The following SLC14A2 variants were observed in gnomAD, a reference collection of about 807,000 sequenced individuals.
SLC14A2 encodes the protein urea transporter 2.
SLC14A2 carries 91 observed loss-of-function variants against 104.6 expected under a neutral mutation model. The ratio of observed to expected loss-of-function variants is 0.87; its 90% CI spans 0.73 to 1.04. SLC14A2 has a LOEUF of 1.04. Ranked by LOEUF, SLC14A2 falls within the 50% of genes least tolerant of loss-of-function variation. SLC14A2 has a pLI of 0.00. For synonymous variants in SLC14A2, 476 were observed against 466.4 expected, an observed-to-expected ratio of 1.02 and a Z score of -0.27; for missense variants, 1,189 against 1,156.0, an observed-to-expected ratio of 1.03 and a Z score of -0.41.
intron 2 of SLC14A2, among the ~76,000 whole-genome samples, chr18:45,549,593 A>T (rs11877159): frequency 0.13 from 19,076 of 152,290 alleles, 1,346 homozygotes; most frequent in African/African-American, 0.17. Context: ...TTATACCTAA[A>T]GAGCAAATGC....
intron 1 of SLC14A2, among the ~76,000 whole-genome samples, chr18:45,385,834 A>G (rs915711164): frequency 1.3e-5 from 2 of 152,184 alleles, no homozygotes; most frequent in African/African-American, 2.4e-5. Flanking sequence ...CAGGGGTTAT[A>G]TAGAAAAGTA....
chr18:45,221,788 A>G (rs1038755167), intron 1 of SLC14A2, among the ~76,000 whole-genome samples: 1 of 152,020 alleles, frequency 6.6e-6, no homozygotes, highest in African/African-American at 2.4e-5. Flanking sequence ...AATGTCTTAG[A>G]GTGTGTAGAG....
At chr18:45,267,494 G>A (rs147979560) in intron 1 of SLC14A2, among the ~76,000 whole-genome samples, 7 of 152,278 alleles carry the variant, frequency 4.6e-5, no homozygotes, top group Non-Finnish European at 8.8e-5. Context: ...TTTTAGGAGT[G>A]TGAGCTAGCC....
chr18:45,581,129 G>T (rs1239826089), intron 2 of SLC14A2, among the ~76,000 whole-genome samples: 1 of 152,228 alleles, frequency 6.6e-6, no homozygotes, highest in East Asian at 1.9e-4. Context: ...GGAGGGTGGA[G>T]TGAGGGTATA....
At chr18:45,607,404 C>G (rs1272944187) in intron 2 of SLC14A2, among the ~76,000 whole-genome samples, 1 of 152,178 alleles carries the variant, frequency 6.6e-6, no homozygotes, top group East Asian at 1.9e-4. Flanking sequence ...CATGATTCTA[C>G]ATGGTTGCTA....
intron 2 of SLC14A2, among the ~76,000 whole-genome samples, chr18:45,542,035 GTTTTTTTTTTTTTTTTTTTTTTT>G (rs60977948): frequency 9.2e-5 from 5 of 54,236 alleles, no homozygotes; most frequent in East Asian, 8.3e-4. Context: ...AAGAGAGAGG[GTTTTTTTTTTTTTTTTTTTTTTT>G]TTTTTTTTTT....
chr18:45,500,517 C>T lies in SLC14A2; in HGVS notation c.-35+17195C>T, dbSNP rs938985030. On this transcript the variant is annotated intron_variant, in intron 2 of 20. Transcript: ENST00000586448. ...GCGTGAACCCGGGAGGCGGAGCTTG[C>T]AGTGAGCCGAGATCGCGCCACTGCA... is the stretch of plus-strand genomic sequence containing the variant. Among the ~76,000 whole-genome samples the T allele has an allele frequency of 7.7e-5, 11 of 142,528 alleles. No individual in the cohort carries two copies. In the East Asian group the frequency reaches 2.1e-3, roughly 27 times the overall value. The allele number at this position is 142,528 out of a possible 152,430, so 93.5% of individuals were successfully genotyped here.
At chr18:45,411,081 T>C (rs1195537687) in intron 1 of SLC14A2, among the ~76,000 whole-genome samples, 1 of 152,218 alleles carries the variant, frequency 6.6e-6, no homozygotes, top group Non-Finnish European at 1.5e-5. Flanking sequence ...GATAAGAAGC[T>C]TGCAGGAACC....
intron 2 of SLC14A2, among the ~76,000 whole-genome samples, chr18:45,501,232 G>A (rs1018177934): frequency 2.0e-5 from 3 of 152,094 alleles, no homozygotes; most frequent in African/African-American, 7.2e-5. Flanking sequence ...AAACTGGCTC[G>A]CCAAAGGTGA....
intron 2 of SLC14A2, among the ~76,000 whole-genome samples, chr18:45,497,208 A>G (rs1012934342): frequency 6.6e-6 from 1 of 152,104 alleles, no homozygotes; most frequent in South Asian, 2.1e-4. Context: ...TTGGTTCCCA[A>G]TTTGGCTCTT....
chr18:45,235,615 C>T (rs577493124), intron 1 of SLC14A2, among the ~76,000 whole-genome samples: 4 of 151,888 alleles, frequency 2.6e-5, no homozygotes, highest in Admixed American at 6.6e-5. Flanking sequence ...CTATTCTACT[C>T]TCTACTTTCT....
intron 7 of SLC14A2, among the ~76,000 whole-genome samples, chr18:45,640,748 A>G (rs182673176): frequency 6.6e-6 from 1 of 152,348 alleles, no homozygotes; most frequent in African/African-American, 2.4e-5. Context: ...CTTTCCCCAG[A>G]TGTACCCACT....
intron 1 of SLC14A2, among the ~76,000 whole-genome samples, chr18:45,249,227 TG>T (rs1205304537): frequency 6.6e-6 from 1 of 152,052 alleles, no homozygotes; most frequent in African/African-American, 2.4e-5. Context: ...TTTTTGGAGA[TG>T]TTTCCTTCAT....
In SLC14A2 at chr18:45,608,604, C is replaced by A. The variant is rs532684189; in HGVS notation, c.-34-16027C>A. Among the ~76,000 whole-genome samples, 3 of 152,188 alleles carry A rather than the reference C, an allele frequency of 2.0e-5. No homozygotes were observed. The South Asian group carries it at 6.2e-4, about 32-fold the overall frequency. ...AGCTCAATTTACTTTCCAGTGATGT[C>A]CAGACAAATTCCATCTTTTCAGAGT... is the stretch of plus-strand genomic sequence containing the variant. On this transcript the variant is annotated intron_variant, in intron 2 of 20. Transcript: ENST00000586448.
chr18:45,320,146 C>T (rs2144236696), intron 1 of SLC14A2, among the ~76,000 whole-genome samples: 1 of 152,250 alleles, frequency 6.6e-6, no homozygotes, highest in East Asian at 1.9e-4. Flanking sequence ...ACAAGTACCA[C>T]CTTTTAAGTG....
At position 45,555,069 on chromosome 18, in the gene SLC14A2, A is replaced by G. The variant is rs184187007; in HGVS notation, c.-34-69562A>G. ...GTAGTTGCTCAATAAATATTTGTTG[A>G]CTAGAACCAAATTGAATGAGCTGAA... On this transcript the variant is annotated intron_variant, in intron 2 of 20. Transcript: ENST00000586448. Among the ~76,000 whole-genome samples the G allele has an allele frequency of 2.0e-3, 308 of 152,316 alleles. 1 individual carries two copies. Among genetic ancestry groups the G allele is most frequent in the African/African-American group, 7.1e-3 (295 of 41,558 alleles).
At position 45,557,689 on chromosome 18, in the gene SLC14A2, G is replaced by A. The variant is rs71356498; in HGVS notation, c.-34-66942G>A. Among the ~76,000 whole-genome samples the A allele has an allele frequency of 4.3e-3, 650 of 152,304 alleles. 5 individuals carry two copies. Among genetic ancestry groups the A allele is most frequent in the East Asian group, 7.7e-3 (40 of 5,178 alleles). On this transcript the variant is annotated intron_variant, in intron 2 of 20. Transcript: ENST00000586448. ...CATATATTGGGCCTGGAGTTTGTGA[G>A]TTAGGCATCCCCTCCTAGTGTGGTC... is the stretch of plus-strand genomic sequence containing the variant.
intron 1 of SLC14A2, among the ~76,000 whole-genome samples, chr18:45,398,594 T>TAC (rs2086061940): frequency 6.6e-6 from 1 of 151,788 alleles, no homozygotes; most frequent in African/African-American, 2.4e-5. Flanking sequence ...GTTATATACA[T>TAC]ATAATAAAAT....
intron 1 of SLC14A2, among the ~76,000 whole-genome samples, chr18:45,262,790 A>G (rs2144102571): frequency 6.6e-6 from 1 of 152,282 alleles, no homozygotes; most frequent in East Asian, 1.9e-4. Flanking sequence ...CTGAACATCA[A>G]GGAGAGGATG....
Sources: allele counts gnomAD v4.1 joint callset (sites outside exome capture counted in the v4.1 genomes callset), GRCh38; gene constraint gnomAD v4.1.1; transcripts MANE v1.5; gene names NCBI Gene and HGNC (gene_info 2026-07-23, HGNC 2026-07-21).